ELOVL7: variants seen among roughly 807,000 people sequenced by gnomAD.
ELOVL7 encodes the protein ELOVL fatty acid elongase 7.
In ELOVL7, 27 loss-of-function variants were observed where a neutral mutation model predicts 35.7. The observed-to-expected ratio is 0.76, with a 90% CI of 0.56 to 1.04. The LOEUF is 1.04. Ranked by LOEUF, ELOVL7 falls within the 50% of genes least tolerant of loss-of-function variation. The pLI, the probability that ELOVL7 is intolerant of heterozygous loss-of-function variation, is 0.00. For synonymous variants in ELOVL7, 113 were observed against 114.6 expected, an observed-to-expected ratio of 0.99 and a Z score of 0.09; for missense variants, 327 against 340.8, an observed-to-expected ratio of 0.96 and a Z score of 0.32.
chr5:60,830,635 C>A (rs1554068230), intron 1 of ELOVL7, among the ~76,000 whole-genome samples: 3 of 144,356 alleles, frequency 2.1e-5, no homozygotes, highest in African/African-American at 5.1e-5. Flanking sequence ...GGTAGTATGA[C>A]TATTCATTTT....
intron 2 of ELOVL7, among the ~76,000 whole-genome samples, chr5:60,789,441 A>G (rs1238676286): frequency 6.6e-6 from 1 of 152,196 alleles, no homozygotes; most frequent in African/African-American, 2.4e-5. Flanking sequence ...TTTTTATCAA[A>G]TGGGCCAAAA....
chr5:60,841,021 TC>T (rs1201732076), intron 1 of ELOVL7, among the ~76,000 whole-genome samples: 13 of 142,660 alleles, frequency 9.1e-5, no homozygotes, highest in East Asian at 5.8e-4. Flanking sequence ...AAAATTACTT[TC>T]CTTTTTTTTT....
At chr5:60,808,006 A>G (rs1185445478) in intron 1 of ELOVL7, among the ~76,000 whole-genome samples, 2 of 143,438 alleles carry the variant, frequency 1.4e-5, no homozygotes, top group African/African-American at 5.7e-5. Flanking sequence ...AAAAAAAAAA[A>G]AAAAAAAAAA....
At chr5:60,824,866 A>C (rs1050231913) in intron 1 of ELOVL7, among the ~76,000 whole-genome samples, 2 of 152,112 alleles carry the variant, frequency 1.3e-5, no homozygotes, top group Non-Finnish European at 2.9e-5. Context: ...CTCACTCACA[A>C]TAAAAGTCAA....
intron 3 of ELOVL7, among the ~76,000 whole-genome samples, chr5:60,784,927 T>C (rs945179573): frequency 9.2e-5 from 14 of 152,206 alleles, no homozygotes; most frequent in African/African-American, 3.1e-4. Flanking sequence ...CTATCATCTG[T>C]AACAACCAGC....
At chr5:60,793,731 A>T (rs1000846324) in intron 2 of ELOVL7, among the ~76,000 whole-genome samples, 2 of 152,146 alleles carry the variant, frequency 1.3e-5, no homozygotes, top group Non-Finnish European at 2.9e-5. Context: ...GACTACAATA[A>T]AGAGGTGCCA....
intron 3 of ELOVL7, among the ~76,000 whole-genome samples, chr5:60,774,060 G>T (rs1281568336): frequency 6.6e-6 from 1 of 152,178 alleles, no homozygotes; most frequent in Admixed American, 6.5e-5. Flanking sequence ...GACATACAAA[G>T]AAGAGCTAGT....
intron 3 of ELOVL7, among the ~76,000 whole-genome samples, chr5:60,775,402 T>C (rs557953791): frequency 1.1e-4 from 17 of 152,164 alleles, no homozygotes; most frequent in Admixed American, 1.1e-3. Context: ...GTCCATACTG[T>C]TCAAAACAAT....
chr5:60,839,999 CG>C (rs1207669124), intron 1 of ELOVL7, among the ~76,000 whole-genome samples: 1 of 151,778 alleles, frequency 6.6e-6, no homozygotes, highest in Non-Finnish European at 1.5e-5. Flanking sequence ...GACCCTGTCT[CG>C]GGGGGAGAAA....
chr5:60,794,172 A>G (rs761681287), intron 2 of ELOVL7, among the ~76,000 whole-genome samples: 24 of 152,184 alleles, frequency 1.6e-4, no homozygotes, highest in Non-Finnish European at 3.5e-4. Context: ...CTTGATTTTG[A>G]TAGTATCACA....
intron 1 of ELOVL7, among the ~76,000 whole-genome samples, chr5:60,816,368 G>A (rs1409288324): frequency 3.2e-5 from 4 of 125,276 alleles, no homozygotes; most frequent in Non-Finnish European, 6.7e-5. Context: ...GCAACAGAGC[G>A]AGACTCCATC....
chr5:60,825,576 A>C (rs2112366532), intron 1 of ELOVL7, among the ~76,000 whole-genome samples: 1 of 152,282 alleles, frequency 6.6e-6, no homozygotes, highest in South Asian at 2.1e-4. Context: ...GGCACCTGAA[A>C]CAGTGCTTGA....
intron 3 of ELOVL7, chr5:60,784,243 T>C (rs1266740975): frequency 3.7e-5 from 31 of 845,760 alleles, no homozygotes; most frequent in Non-Finnish European, 5.2e-5. Context: ...GTACCTTAAG[T>C]ACTTTTTGAA....
At chr5:60,825,343 A>G (rs1191203813) in intron 1 of ELOVL7, among the ~76,000 whole-genome samples, 1 of 152,134 alleles carries the variant, frequency 6.6e-6, no homozygotes, top group African/African-American at 2.4e-5. Context: ...CACTTTCCTC[A>G]GATCCCTGCT....
intron 3 of ELOVL7, among the ~76,000 whole-genome samples, chr5:60,783,334 A>C (rs568400499): frequency 6.6e-6 from 1 of 152,306 alleles, no homozygotes; most frequent in Admixed American, 6.5e-5. Flanking sequence ...TGAGAAATAA[A>C]ATTGCTTAAA....
At chr5:60,842,066 G>C (rs749637770) in intron 1 of ELOVL7, among the ~76,000 whole-genome samples, 1 of 152,174 alleles carries the variant, frequency 6.6e-6, no homozygotes, top group Non-Finnish European at 1.5e-5. Flanking sequence ...TAGCTGTAAG[G>C]CCTGAAGATT....
chr5:60,785,167 C>T (rs929045682), intron 3 of ELOVL7, among the ~76,000 whole-genome samples: 1 of 152,146 alleles, frequency 6.6e-6, no homozygotes, highest in Non-Finnish European at 1.5e-5. Context: ...CCCAAGTCTT[C>T]AAATGAGCAT....
chr5:60,761,436 T>C (rs373865180), intron 7 of ELOVL7, among the ~76,000 whole-genome samples: 7 of 152,168 alleles, frequency 4.6e-5, no homozygotes, highest in African/African-American at 1.7e-4. Flanking sequence ...GAATGGACAG[T>C]TTCATTCTAG....
At chr5:60,800,943 T>C (rs1744573564) in intron 1 of ELOVL7, among the ~76,000 whole-genome samples, 1 of 152,180 alleles carries the variant, frequency 6.6e-6, no homozygotes, top group Admixed American at 6.5e-5. Context: ...ATGTATTTAT[T>C]TGGAGACAGG....
Sources: gnomAD v4.1 joint callset for allele counts (sites outside exome capture counted in the v4.1 genomes callset) on GRCh38, gnomAD v4.1.1 for gene constraint, MANE v1.5 for transcripts, NCBI Gene and HGNC (gene_info 2026-07-23, HGNC 2026-07-21) for gene names.